The following SDHAF3 variants were observed in gnomAD, a reference collection of about 807,000 sequenced individuals.
SDHAF3 encodes the protein succinate dehydrogenase complex assembly factor 3.
Under a neutral mutation model 11.5 loss-of-function variants are expected in SDHAF3, and 18 were observed. The observed-to-expected ratio is 1.56, with a 90% CI of 1.08 to 2.32. SDHAF3 has a LOEUF of 2.32. SDHAF3 is among the 30% of genes most tolerant of loss of function. The pLI is 0.00. For synonymous variants in SDHAF3, 72 were observed against 59.3 expected (o/e 1.21, Z -0.99); for missense variants, 200 against 154.4 (o/e 1.30, Z -1.57).
chr7:97,176,740 A>G (rs1303210686), intron 1 of SDHAF3, among the ~76,000 whole-genome samples: 1 of 152,136 alleles, frequency 6.6e-6, no homozygotes, highest in East Asian at 1.9e-4. Flanking sequence ...ATGTATTTCT[A>G]CTTTCCATAA....
chr7:97,136,561 G>A (rs1430950132), intron 1 of SDHAF3: 3 of 531,280 alleles, frequency 5.6e-6, no homozygotes. Flanking sequence ...GGGGTGGCAA[G>A]AGTTTATGTA....
intron 1 of SDHAF3, among the ~76,000 whole-genome samples, chr7:97,169,700 T>G (rs1321875761): frequency 6.6e-6 from 1 of 152,080 alleles, no homozygotes; most frequent in Non-Finnish European, 1.5e-5. Flanking sequence ...CTAAATGCAG[T>G]TTTTCTGTAG....
At chr7:97,167,906 G>C (rs1462837787) in intron 1 of SDHAF3, among the ~76,000 whole-genome samples, 1 of 152,214 alleles carries the variant, frequency 6.6e-6, no homozygotes, top group Non-Finnish European at 1.5e-5. Context: ...CCATCCACAA[G>C]TGTTTACACT....
chr7:97,128,664 GAAAAT>G (rs1268830056), intron 1 of SDHAF3, among the ~76,000 whole-genome samples: 2 of 151,978 alleles, frequency 1.3e-5, no homozygotes, highest in African/African-American at 4.8e-5. Flanking sequence ...TGCATGAAAG[GAAAAT>G]AAAAAGAAAT....
At chr7:97,118,700 C>T (rs1248125437) in intron 1 of SDHAF3, among the ~76,000 whole-genome samples, 1 of 152,006 alleles carries the variant, frequency 6.6e-6, no homozygotes, top group African/African-American at 2.4e-5. Context: ...TATTTGAAAG[C>T]ATGAGTTGGA....
At chr7:97,166,549 TTG>T (rs1470387075) in intron 1 of SDHAF3, among the ~76,000 whole-genome samples, 1 of 152,192 alleles carries the variant, frequency 6.6e-6, no homozygotes, top group Non-Finnish European at 1.5e-5. Context: ...AGAGAACAGA[TTG>T]TAAGACTTAC....
At chr7:97,161,699 T>C (rs1214360429) in intron 1 of SDHAF3, among the ~76,000 whole-genome samples, 1 of 152,142 alleles carries the variant, frequency 6.6e-6, no homozygotes, top group Non-Finnish European at 1.5e-5. Context: ...GGTTTTCTGT[T>C]CTTGTGATAG....
intron 1 of SDHAF3, among the ~76,000 whole-genome samples, chr7:97,165,357 C>CTTTTT (rs10653828): frequency 9.1e-5 from 7 of 77,010 alleles, no homozygotes; most frequent in Admixed American, 1.7e-4. Context: ...ATTTTCCTAC[C>CTTTTT]TTTTTTTTTT....
At chr7:97,125,353 G>A (rs1791559444) in intron 1 of SDHAF3, among the ~76,000 whole-genome samples, 1 of 152,128 alleles carries the variant, frequency 6.6e-6, no homozygotes, top group Admixed American at 6.5e-5. Context: ...ACTTTCTGAT[G>A]TGGGCATTTA....
intron 1 of SDHAF3, among the ~76,000 whole-genome samples, chr7:97,158,615 C>G (rs1789346154): frequency 6.6e-6 from 1 of 152,164 alleles, no homozygotes; most frequent in African/African-American, 2.4e-5. Flanking sequence ...TGAGCCACTG[C>G]ACCCAGCGAG....
intron 1 of SDHAF3, chr7:97,136,324 T>C: frequency 1.9e-6 from 1 of 516,430 alleles, no homozygotes; most frequent in Non-Finnish European, 3.5e-6. Flanking sequence ...AAGTGAATTA[T>C]CAACCTGTAA....
At chr7:97,176,741 C>T (rs370641569) in intron 1 of SDHAF3, among the ~76,000 whole-genome samples, 85 of 152,222 alleles carry the variant, frequency 5.6e-4, no homozygotes, top group African/African-American at 2.0e-3. Context: ...TGTATTTCTA[C>T]TTTCCATAAG....
intron 1 of SDHAF3, among the ~76,000 whole-genome samples, chr7:97,121,565 ATG>A (rs1286226772): frequency 6.6e-6 from 1 of 152,218 alleles, no homozygotes; most frequent in Non-Finnish European, 1.5e-5. Context: ...TTTCCAGACA[ATG>A]TGCTAGGCAT....
At chr7:97,121,699 G>C (rs768037713) in intron 1 of SDHAF3, among the ~76,000 whole-genome samples, 2 of 152,118 alleles carry the variant, frequency 1.3e-5, no homozygotes, top group Non-Finnish European at 2.9e-5. Context: ...TGGGATCAAG[G>C]AGTAATGGAG....
rs545248235 is a variant in SDHAF3, at chr7:97,124,279, G to A, written c.174+6382G>A. On this transcript the variant is annotated intron_variant, in intron 1 of 1. Coordinates refer to ENST00000432641, the MANE Select transcript of SDHAF3 (RefSeq NM_020186.3). The stretch of plus-strand genomic sequence containing the variant: ...TTTCCCCATTGCTTGTTTTTGTCAG[G>A]TTTGTCAAAGATGAGATGGTTGCAG... Among the ~76,000 whole-genome samples the A allele has an allele frequency of 2.0e-5, 3 of 152,202 alleles. No homozygotes were observed. The South Asian group carries it at 6.2e-4, about 32-fold the overall frequency.
At chr7:97,170,857 T>C (rs1789593111) in intron 1 of SDHAF3, among the ~76,000 whole-genome samples, 1 of 152,156 alleles carries the variant, frequency 6.6e-6, no homozygotes. Flanking sequence ...CTTTGCACTC[T>C]GTATATCAAA....
intron 1 of SDHAF3, among the ~76,000 whole-genome samples, chr7:97,162,120 G>A (rs555600294): frequency 3.3e-5 from 5 of 152,128 alleles, no homozygotes; most frequent in East Asian, 3.9e-4. Flanking sequence ...TTTAATCATC[G>A]CCATTCTAAC....
At chr7:97,158,269 T>G (rs1789334074) in intron 1 of SDHAF3, among the ~76,000 whole-genome samples, 4 of 152,166 alleles carry the variant, frequency 2.6e-5, no homozygotes, top group Admixed American at 2.6e-4. Context: ...CCATGAACCT[T>G]TTTTTGTTGT....
At chr7:97,169,503 G>A (rs1789571251) in intron 1 of SDHAF3, among the ~76,000 whole-genome samples, 1 of 151,888 alleles carries the variant, frequency 6.6e-6, no homozygotes, top group Non-Finnish European at 1.5e-5. Flanking sequence ...CATTTTTTTG[G>A]TGACAGCTAT....
Sources: allele counts gnomAD v4.1 joint callset (sites outside exome capture counted in the v4.1 genomes callset), GRCh38; gene constraint gnomAD v4.1.1; transcripts MANE v1.5; gene names NCBI Gene and HGNC (gene_info 2026-07-23, HGNC 2026-07-21).